The following MINDY3 variants were observed in gnomAD, a reference collection of about 807,000 sequenced individuals.
MINDY3 encodes ubiquitin carboxyl-terminal hydrolase MINDY-3.
In MINDY3, 38 loss-of-function variants were observed where a neutral mutation model predicts 69.2. The ratio of observed to expected loss-of-function variants is 0.55; its 90% CI spans 0.42 to 0.72. The LOEUF (loss-of-function observed/expected upper bound fraction) is 0.72, where lower values mean the gene tolerates loss of function less well. Ranked by LOEUF, MINDY3 falls within the 30% of genes least tolerant of loss-of-function variation. The probability of loss-of-function intolerance (pLI) is 0.00; values close to 1 mark genes in which losing one functional copy is unlikely to be tolerated. For missense variants in MINDY3, 522 were observed against 519.0 expected, an observed-to-expected ratio of 1.01 and a Z score of -0.06; for synonymous variants, 192 against 180.1, an observed-to-expected ratio of 1.07 and a Z score of -0.53.
intron 11 of MINDY3, among the ~76,000 whole-genome samples, chr10:15,795,274 A>C (rs997274030): frequency 2.0e-5 from 3 of 152,098 alleles, no homozygotes; most frequent in African/African-American, 7.2e-5. Flanking sequence ...ACTAGCCTAA[A>C]GTTATCTGCT....
chr10:15,811,580 A>C (rs1169568221), intron 10 of MINDY3, among the ~76,000 whole-genome samples: 1 of 152,190 alleles, frequency 6.6e-6, no homozygotes, highest in Non-Finnish European at 1.5e-5. Context: ...TTTGAATGTC[A>C]CTGATTAACA....
intron 4 of MINDY3, among the ~76,000 whole-genome samples, chr10:15,839,240 TGTGA>T (rs1198973377): frequency 6.6e-6 from 1 of 151,718 alleles, no homozygotes; most frequent in African/African-American, 2.4e-5. Context: ...AAAGCCTAGT[TGTGA>T]GTGTTTCATA....
intron 13 of MINDY3, among the ~76,000 whole-genome samples, chr10:15,782,597 A>C (rs1256982796): frequency 6.6e-6 from 1 of 152,188 alleles, no homozygotes; most frequent in Non-Finnish European, 1.5e-5. Context: ...CAATGAATTG[A>C]GAAAAGCAGT....
intron 10 of MINDY3, among the ~76,000 whole-genome samples, chr10:15,802,272 C>T (rs928842845): frequency 3.3e-5 from 5 of 152,016 alleles, no homozygotes; most frequent in African/African-American, 1.2e-4. Flanking sequence ...TTTCACACTG[C>T]TATAAAGATA....
At chr10:15,843,111 GA>G in intron 3 of MINDY3, 100 bp downstream of exon 3, 9 of 954,310 alleles carry the variant, frequency 9.4e-6, no homozygotes, top group African/African-American at 1.7e-5. Flanking sequence ...GAAACCTCAG[GA>G]AAAAAAATTC....
intron 8 of MINDY3, among the ~76,000 whole-genome samples, chr10:15,826,494 A>G (rs566718033): frequency 1.3e-5 from 2 of 152,238 alleles, no homozygotes; most frequent in Non-Finnish European, 1.5e-5. Context: ...ATGTAAAGAT[A>G]TAATTTCCTC....
chr10:15,828,193 C>T (rs561551102), intron 8 of MINDY3, among the ~76,000 whole-genome samples: 164 of 152,178 alleles, frequency 1.1e-3, no homozygotes, highest in African/African-American at 3.8e-3. Flanking sequence ...CACATGTTGG[C>T]GAACAAATGA....
intron 10 of MINDY3, among the ~76,000 whole-genome samples, chr10:15,803,809 A>G (rs1009144825): frequency 6.6e-6 from 1 of 152,084 alleles, no homozygotes; most frequent in African/African-American, 2.4e-5. Flanking sequence ...TAACAAATGT[A>G]CACTAATCCT....
At position 15,786,979 on chromosome 10, in the gene MINDY3, A is replaced by G. The variant is rs577721256; in HGVS notation, c.1029-331T>C. ...GGCAAATTCTCTTTGCTTCATAGGT[A>G]TGCCTGAATTTAACAAATGAGGCAT... is the stretch of plus-strand genomic sequence containing the variant. On this transcript the variant is annotated intron_variant, in intron 12 of 14. Coordinates refer to ENST00000277632, the MANE Select transcript of MINDY3 (RefSeq NM_024948.4). Among the ~76,000 whole-genome samples the G allele has an allele frequency of 3.3e-4, 51 of 152,302 alleles. No homozygotes were observed. The South Asian group carries it at 8.1e-3, about 24-fold the overall frequency.
rs189765675 is a variant in MINDY3, at chr10:15,845,323, T to C, written c.175-2051A>G. 3.4e-3 allele frequency among the ~76,000 whole-genome samples: 512 copies of C among 152,344 alleles called. 2 individuals are homozygous for C. The highest frequency in any genetic ancestry group is 5.9e-3 in the Non-Finnish European group (400 of 68,034). Reference sequence around the variant, plus strand: ...GGTAATGAGGTCTATGATTGTATTATGTATTTGGTTCCATTATTTTGCCTA... The same window carrying C: ...GGTAATGAGGTCTATGATTGTATTACGTATTTGGTTCCATTATTTTGCCTA... On this transcript the variant is annotated intron_variant, in intron 2 of 14. Transcript: ENST00000277632.
At chr10:15,836,542 A>G (rs1833096829) in intron 6 of MINDY3, among the ~76,000 whole-genome samples, 1 of 152,018 alleles carries the variant, frequency 6.6e-6, no homozygotes, top group Non-Finnish European at 1.5e-5. Context: ...TTCAGACATG[A>G]TAGATCTAAT....
chr10:15,849,241 T>G (rs1218127791), intron 1 of MINDY3, among the ~76,000 whole-genome samples: 1 of 152,040 alleles, frequency 6.6e-6, no homozygotes, highest in Non-Finnish European at 1.5e-5. Flanking sequence ...AATACCTTAA[T>G]TAAAGCAAAA....
At chr10:15,830,708 C>T (rs1217704478) in intron 8 of MINDY3, among the ~76,000 whole-genome samples, 2 of 152,148 alleles carry the variant, frequency 1.3e-5, no homozygotes, top group Non-Finnish European at 2.9e-5. Context: ...CAGTGTGCCA[C>T]CTTCAGGGAG....
At chr10:15,817,681 C>A (rs1012611492) in intron 9 of MINDY3, 1 of 152,208 alleles carries the variant, frequency 6.6e-6, no homozygotes, top group Non-Finnish European at 1.5e-5. Context: ...GAAACTTTAA[C>A]TTAAAAATGA....
chr10:15,799,462 G>T (rs1838095116), intron 10 of MINDY3, among the ~76,000 whole-genome samples: 1 of 152,094 alleles, frequency 6.6e-6, no homozygotes, highest in African/African-American at 2.4e-5. Flanking sequence ...TTCCTAAAGT[G>T]CTGGGATTAC....
intron 8 of MINDY3, among the ~76,000 whole-genome samples, chr10:15,826,825 A>G (rs1321753336): frequency 6.6e-6 from 1 of 152,218 alleles, no homozygotes; most frequent in African/African-American, 2.4e-5. Context: ...ACATTAGATA[A>G]TTCTTTGAGA....
At chr10:15,817,335 A>T (rs2131982699) in intron 9 of MINDY3, 1 of 154,360 alleles carries the variant, frequency 6.5e-6, no homozygotes, top group African/African-American at 2.4e-5. Flanking sequence ...AGATTTATGA[A>T]TAATCAAAGG....
chr10:15,819,693 C>T (rs1203319648), intron 9 of MINDY3, among the ~76,000 whole-genome samples: 1 of 152,202 alleles, frequency 6.6e-6, no homozygotes, highest in Admixed American at 6.5e-5. Context: ...TGGCTTCCCT[C>T]CCTCATTTGC....
chr10:15,809,546 C>A (rs1838858565), intron 10 of MINDY3, among the ~76,000 whole-genome samples: 1 of 152,094 alleles, frequency 6.6e-6, no homozygotes, highest in South Asian at 2.1e-4. Context: ...GCTCAGATGA[C>A]CTGCTTGGAA....
Sources: allele counts gnomAD v4.1 joint callset (sites outside exome capture counted in the v4.1 genomes callset), GRCh38; gene constraint gnomAD v4.1.1; transcripts MANE v1.5; gene names NCBI Gene and HGNC (gene_info 2026-07-23, HGNC 2026-07-21).